Variants in CSMD3 observed in about 807,000 individuals in gnomAD.
CSMD3 encodes the protein CUB and sushi domain-containing protein 3.
In CSMD3, 177 loss-of-function variants were observed where a neutral mutation model predicts 435.2. The observed-to-expected ratio is 0.41, with a 90% confidence interval of 0.36 to 0.46. The LOEUF (loss-of-function observed/expected upper bound fraction) is 0.46, where lower values mean the gene tolerates loss of function less well. Ranked by LOEUF, CSMD3 falls within the 20% of genes least tolerant of loss-of-function variation. The pLI is 0.34. For synonymous variants in CSMD3, 1,656 were observed against 1,520.5 expected, an observed-to-expected ratio of 1.09 and a Z score of -2.07; for missense variants, 4,265 against 4,504.6, an observed-to-expected ratio of 0.95 and a Z score of 1.52.
chr8:113,098,890 G>A lies in CSMD3; in HGVS notation c.783C>T (p.Tyr261=), dbSNP rs1188033681. ...IISSPSFPNE[Y]HNNADCTWTI... ...TCCAAGTGCAATCAGCATTGTTATG[G>A]TACTCATTAGGAAAACTAGGGCTGG... is the stretch of plus-strand genomic sequence containing the variant. Residue 261 remains tyrosine, a synonymous_variant, in exon 5 of 71, where the codon TAC becomes TAT. Coordinates refer to ENST00000297405, the MANE Select transcript of CSMD3 (RefSeq NM_198123.2). The A allele has an allele frequency of 5.6e-6, 9 of 1,611,930 alleles. No individual in the cohort carries two copies. The highest frequency in any genetic ancestry group is 6.8e-6 in the Non-Finnish European group (8 of 1,178,304).
At chr8:113,080,015 C>A (rs1204968039) in intron 5 of CSMD3, among the ~76,000 whole-genome samples, 2 of 152,050 alleles carry the variant, frequency 1.3e-5, no homozygotes, top group African/African-American at 2.4e-5. Flanking sequence ...TTGCATGGCA[C>A]CTTCTGCCTC....
Position 113,051,880 on chromosome 8 carries a change from G to T in CSMD3, c.918-32701C>A, listed in dbSNP as rs199858907. On this transcript the variant is annotated intron_variant, in intron 5 of 70. Transcript: ENST00000297405. ...AGGAAAAGAGCAAATGTGACAAGATGATATGTCAATAACAAACTATGAAAA... is the reference window on the plus strand; with the variant it reads ...AGGAAAAGAGCAAATGTGACAAGATTATATGTCAATAACAAACTATGAAAA... Among the ~76,000 whole-genome samples, 5 of 152,088 alleles carry T rather than the reference G, an allele frequency of 3.3e-5. No homozygotes were observed. The East Asian group carries it at 9.6e-4, about 29-fold the overall frequency.
intron 10 of CSMD3, among the ~76,000 whole-genome samples, chr8:112,870,083 G>A (rs1339502445): frequency 6.6e-6 from 1 of 151,908 alleles, no homozygotes; most frequent in Non-Finnish European, 1.5e-5. Context: ...TCAATTATTT[G>A]CCTTTTCAAT....
At chr8:112,603,858 T>C (rs1044914847) in intron 22 of CSMD3, among the ~76,000 whole-genome samples, 1 of 152,076 alleles carries the variant, frequency 6.6e-6, no homozygotes, top group African/African-American at 2.4e-5. Flanking sequence ...AACTGCATGA[T>C]GAATGTGTAA....
intron 46 of CSMD3, among the ~76,000 whole-genome samples, 195 bp from the exon 47 acceptor site, chr8:112,319,145 G>T (rs1293198365): frequency 1.3e-5 from 2 of 152,108 alleles, no homozygotes; most frequent in Non-Finnish European, 2.9e-5. Flanking sequence ...CATCAGGACT[G>T]AAGGCAAAAG....
At chr8:113,361,125 T>G (rs1226946485) in intron 1 of CSMD3, among the ~76,000 whole-genome samples, 3 of 152,212 alleles carry the variant, frequency 2.0e-5, no homozygotes, top group African/African-American at 7.2e-5. Flanking sequence ...CTGCTGGCTT[T>G]TGATTTCACT....
chr8:112,421,334 G>A (rs1399750258), intron 32 of CSMD3, among the ~76,000 whole-genome samples: 1 of 151,788 alleles, frequency 6.6e-6, no homozygotes, highest in African/African-American at 2.4e-5. Flanking sequence ...CTTTAGGTCA[G>A]GAGTTCGAGA....
chr8:112,324,943 A>G (rs1823353300), intron 45 of CSMD3, among the ~76,000 whole-genome samples: 1 of 152,062 alleles, frequency 6.6e-6, no homozygotes, highest in African/African-American at 2.4e-5. Flanking sequence ...AGTGTCCCCA[A>G]ATGACTTACG....
intron 7 of CSMD3, among the ~76,000 whole-genome samples, chr8:112,971,687 T>C (rs2084664091): frequency 6.6e-6 from 1 of 152,182 alleles, no homozygotes; most frequent in African/African-American, 2.4e-5. Flanking sequence ...TGAGGACTAT[T>C]GTACACTAAT....
chr8:112,831,723 A>G (rs1371563425), intron 11 of CSMD3, among the ~76,000 whole-genome samples: 2 of 152,008 alleles, frequency 1.3e-5, no homozygotes, highest in African/African-American at 2.4e-5. Flanking sequence ...AATTCTTTAT[A>G]TTGGTGATTC....
At chr8:113,116,984 C>T (rs768901789) in intron 4 of CSMD3, among the ~76,000 whole-genome samples, 5 of 152,014 alleles carry the variant, frequency 3.3e-5, no homozygotes, top group Admixed American at 6.6e-5. Context: ...AGAGGAAACA[C>T]GGCATAAAAG....
chr8:113,222,275 T>C lies in CSMD3; in HGVS notation c.515-48359A>G, dbSNP rs73701340. Among the ~76,000 whole-genome samples, 1,156 of 151,178 alleles carry C rather than the reference T, an allele frequency of 7.6e-3. 18 individuals are homozygous for C. Among genetic ancestry groups the C allele is most frequent in the African/African-American group, 0.027 (1,107 of 41,408 alleles). Reference sequence around the variant, plus strand: ...AAATTTTCATTGGAAATCCTAAAAATTATATTCACTAATCAGTAAAAACAG... The same window carrying C: ...AAATTTTCATTGGAAATCCTAAAAACTATATTCACTAATCAGTAAAAACAG... On this transcript the variant is annotated intron_variant, in intron 3 of 70. Transcript: ENST00000297405.
intron 22 of CSMD3, among the ~76,000 whole-genome samples, chr8:112,632,729 A>C (rs2074550313): frequency 6.6e-6 from 1 of 152,050 alleles, no homozygotes; most frequent in Non-Finnish European, 1.5e-5. Context: ...TAGAAAAAGA[A>C]ATCATGTACT....
chr8:112,337,800 C>A (rs2130968568), intron 42 of CSMD3, 69 bp from the exon 43 acceptor site: 5 of 1,189,106 alleles, frequency 4.2e-6, no homozygotes, highest in South Asian at 1.4e-5. Flanking sequence ...GGTACTACAG[C>A]AATTTTGCAA....
chr8:112,821,023 T>C (rs1311659468), intron 12 of CSMD3, among the ~76,000 whole-genome samples: 2 of 152,216 alleles, frequency 1.3e-5, no homozygotes, highest in Admixed American at 6.5e-5. Context: ...ATGATGTATA[T>C]GTACCATATT....
At chr8:112,385,417 C>A (rs1188677850) in intron 36 of CSMD3, among the ~76,000 whole-genome samples, 2 of 152,118 alleles carry the variant, frequency 1.3e-5, no homozygotes, top group Non-Finnish European at 2.9e-5. Flanking sequence ...AAAAACTAAA[C>A]CCCAGCATAG....
intron 25 of CSMD3, among the ~76,000 whole-genome samples, chr8:112,554,779 C>T (rs921012114): frequency 6.6e-6 from 1 of 151,890 alleles, no homozygotes; most frequent in Non-Finnish European, 1.5e-5. Context: ...ATCCTTCCAG[C>T]TATGGTGCCT....
In CSMD3 at chr8:113,424,818, A is replaced by C. The variant is rs149384133; in HGVS notation, c.178+11859T>G. On this transcript the variant is annotated intron_variant, in intron 1 of 70. Coordinates refer to ENST00000297405, the MANE Select transcript of CSMD3 (RefSeq NM_198123.2). Reference sequence around the variant, plus strand: ...CTTTCATTGGAAAGTTACAAACAGCATCTGTAGAATGTTATATTTACCTGT... The same window carrying C: ...CTTTCATTGGAAAGTTACAAACAGCCTCTGTAGAATGTTATATTTACCTGT... Among the ~76,000 whole-genome samples the C allele has an allele frequency of 7.7e-4, 117 of 151,688 alleles. 2 individuals are homozygous for C. The East Asian group carries it at 0.019, about 24-fold the overall frequency.
At chr8:113,304,417 T>C (rs2093800873) in intron 2 of CSMD3, among the ~76,000 whole-genome samples, 6 of 88,096 alleles carry the variant, frequency 6.8e-5, no homozygotes, top group Non-Finnish European at 6.6e-5. Flanking sequence ...TTACTGGGTA[T>C]ATACCCAAAG....
Sources: gnomAD v4.1 joint callset for allele counts (sites outside exome capture counted in the v4.1 genomes callset) on GRCh38, gnomAD v4.1.1 for gene constraint, MANE v1.5 for transcripts, NCBI Gene and HGNC (gene_info 2026-07-23, HGNC 2026-07-21) for gene names.